Variants in GARIN2 observed in about 807,000 individuals in gnomAD.
The protein encoded by GARIN2 is golgi associated RAB2 interactor family member 2.
the GARIN2 span, among the ~76,000 whole-genome samples, chr14:67,216,786 T>C: frequency 1.3e-5 from 2 of 152,214 alleles, no homozygotes; most frequent in Non-Finnish European, 2.9e-5. Context: ...TTTTGATTTT[T>C]AAAAATTTTG....
At chr14:67,198,177 A>G in the GARIN2 span, 1 of 1,613,082 alleles carries the variant, frequency 6.2e-7, no homozygotes, top group Non-Finnish European at 8.5e-7. Flanking sequence ...GAAGAACACC[A>G]GCAAGACTAC....
At chr14:67,215,275 G>C in the GARIN2 span, among the ~76,000 whole-genome samples, 2 of 152,104 alleles carry the variant, frequency 1.3e-5, 1 homozygote, top group Middle Eastern at 6.3e-3. Flanking sequence ...TTTCTTCCAG[G>C]ACTAGGAGCT....
At chr14:67,223,844 T>C in the GARIN2 span, 162 of 985,826 alleles carry the variant, frequency 1.6e-4, no homozygotes, top group African/African-American at 2.1e-3. Flanking sequence ...CCATACACTT[T>C]TACTCTCACT....
chr14:67,212,460 A>G, the GARIN2 span, among the ~76,000 whole-genome samples: 1 of 151,428 alleles, frequency 6.6e-6, no homozygotes, highest in Admixed American at 6.6e-5. Flanking sequence ...GCATGGTGGC[A>G]TGTGCCTGTA....
the GARIN2 span, among the ~76,000 whole-genome samples, chr14:67,225,970 C>CGCGT: frequency 9.5e-6 from 1 of 104,808 alleles, no homozygotes; most frequent in Non-Finnish European, 2.5e-5. Flanking sequence ...TGTGCGCGCG[C>CGCGT]GCGCGTGCGC....
the GARIN2 span, chr14:67,199,140 C>T: frequency 6.7e-7 from 1 of 1,499,418 alleles, no homozygotes; most frequent in Non-Finnish European, 9.3e-7. Flanking sequence ...GGTTAGTGAA[C>T]CGCTACTGTG....
the GARIN2 span, among the ~76,000 whole-genome samples, chr14:67,189,999 C>G: frequency 1.3e-5 from 2 of 150,590 alleles, no homozygotes; most frequent in Admixed American, 1.3e-4. Flanking sequence ...TGCCATCACG[C>G]CCAGCTAATT....
chr14:67,204,992 C>T, the GARIN2 span: 2 of 1,567,094 alleles, frequency 1.3e-6, no homozygotes, highest in South Asian at 2.3e-5. Flanking sequence ...GTCAGAGAAG[C>T]CACGGAAGTC....
the GARIN2 span, among the ~76,000 whole-genome samples, chr14:67,192,861 T>C: frequency 7.2e-6 from 1 of 139,082 alleles, no homozygotes; most frequent in Non-Finnish European, 1.5e-5. Context: ...GATATACAGA[T>C]ATATATAGAT....
At chr14:67,198,984 T>C in the GARIN2 span, 1 of 704,420 alleles carries the variant, frequency 1.4e-6, no homozygotes, top group Non-Finnish European at 2.6e-6. Flanking sequence ...GCTGCTCAGC[T>C]GATTTCACAG....
the GARIN2 span, among the ~76,000 whole-genome samples, chr14:67,226,016 T>G: frequency 6.6e-6 from 1 of 150,536 alleles, no homozygotes; most frequent in African/African-American, 2.4e-5. Flanking sequence ...GAGTTCACAG[T>G]ATTGAAGGGG....
chr14:67,200,353 C>T, the GARIN2 span: 4 of 639,224 alleles, frequency 6.3e-6, no homozygotes, highest in Non-Finnish European at 8.4e-6. Context: ...CCTCCTATTA[C>T]ATCTTCCCAA....
At chr14:67,225,018 T>C in the GARIN2 span, 3 of 998,248 alleles carry the variant, frequency 3.0e-6, no homozygotes, top group Non-Finnish European at 4.3e-6. Flanking sequence ...TCTCCTTCTG[T>C]GCCTTTTTTT....
chr14:67,218,936 G>C, the GARIN2 span, among the ~76,000 whole-genome samples: 1 of 152,008 alleles, frequency 6.6e-6, no homozygotes, highest in East Asian at 1.9e-4. Flanking sequence ...TCCTGGCCCA[G>C]GTTCTGCACA....
the GARIN2 span, among the ~76,000 whole-genome samples, chr14:67,193,857 A>T: frequency 4.5e-4 from 67 of 148,368 alleles, 1 homozygote; most frequent in Middle Eastern, 0.01. Context: ...AGGTGAGAGG[A>T]TCACTTGGGC....
At chr14:67,192,096 C>T in the GARIN2 span, among the ~76,000 whole-genome samples, 39 of 152,356 alleles carry the variant, frequency 2.6e-4, 1 homozygote, top group East Asian at 1.5e-3. Context: ...GTGCCACCCT[C>T]GCTCTGCAGC....
the GARIN2 span, among the ~76,000 whole-genome samples, chr14:67,212,598 A>AAT: frequency 3.8e-4 from 52 of 135,904 alleles, no homozygotes; most frequent in Admixed American, 1.6e-3. Flanking sequence ...TGAAAAAAAA[A>AAT]ATATATATAT....
chr14:67,193,965 C>CAAAAAAAA, the GARIN2 span, among the ~76,000 whole-genome samples: 55 of 131,130 alleles, frequency 4.2e-4, no homozygotes, highest in African/African-American at 1.4e-3. Flanking sequence ...AAAAAAAAAA[C>CAAAAAAAA]GAAAAACAAA....
the GARIN2 span, among the ~76,000 whole-genome samples, chr14:67,217,166 T>C: frequency 2.1e-5 from 3 of 143,504 alleles, no homozygotes; most frequent in East Asian, 2.4e-4. Flanking sequence ...ACTTTCTTCA[T>C]CTTTTTTTTT....
Sources: allele counts gnomAD v4.1 joint callset (sites outside exome capture counted in the v4.1 genomes callset), GRCh38; gene constraint gnomAD v4.1.1; transcripts MANE v1.5; gene names NCBI Gene and HGNC (gene_info 2026-07-23, HGNC 2026-07-21).